Variants in CLSTN2 observed in about 807,000 individuals in gnomAD.
CLSTN2 encodes the protein calsyntenin-2.
Under a neutral mutation model 101.2 loss-of-function variants are expected in CLSTN2, and 48 were observed. That is an observed-to-expected ratio of 0.47 (90% CI 0.38 to 0.60). The LOEUF (loss-of-function observed/expected upper bound fraction) is 0.60. Ranked by LOEUF, CLSTN2 falls within the 20% of genes least tolerant of loss-of-function variation. CLSTN2 has a pLI of 0.00. For synonymous variants in CLSTN2, 481 were observed against 463.6 expected (o/e 1.04, Z -0.48); for missense variants, 1,160 against 1,238.2 (o/e 0.94, Z 0.95).
chr3:140,336,340 G>A (rs1364734692), intron 2 of CLSTN2, among the ~76,000 whole-genome samples: 1 of 152,202 alleles, frequency 6.6e-6, no homozygotes, highest in African/African-American at 2.4e-5. Context: ...GTAGAGACAG[G>A]ATTTAAACTC....
chr3:140,138,139 C>T (rs1216948596), intron 1 of CLSTN2, among the ~76,000 whole-genome samples: 1 of 152,138 alleles, frequency 6.6e-6, no homozygotes, highest in Non-Finnish European at 1.5e-5. Flanking sequence ...CATCTCTCCA[C>T]AAGACCAAAA....
intron 8 of CLSTN2, 59 bp downstream of exon 8, chr3:140,466,790 A>G (rs1413081667): frequency 1.2e-6 from 2 of 1,607,884 alleles, no homozygotes; most frequent in African/African-American, 2.7e-5. Context: ...GGCCAGTCCA[A>G]TCCAATGGTG....
At chr3:140,064,040 C>A (rs896252041) in intron 1 of CLSTN2, among the ~76,000 whole-genome samples, 1 of 152,174 alleles carries the variant, frequency 6.6e-6, no homozygotes, top group African/African-American at 2.4e-5. Context: ...GGAGCAGTAA[C>A]CATTGGCTAC....
At chr3:140,253,118 C>A (rs1267764382) in intron 2 of CLSTN2, among the ~76,000 whole-genome samples, 1 of 152,124 alleles carries the variant, frequency 6.6e-6, no homozygotes, top group Non-Finnish European at 1.5e-5. Context: ...GTACACCAGG[C>A]AAAAGACAGT....
chr3:140,020,373 T>G (rs532407127), intron 1 of CLSTN2, among the ~76,000 whole-genome samples: 16 of 152,296 alleles, frequency 1.1e-4, no homozygotes, highest in Admixed American at 5.2e-4. Flanking sequence ...TGCATGTGTG[T>G]GTACCCAGGT....
chr3:140,061,295 T>A (rs1213501880), intron 1 of CLSTN2, among the ~76,000 whole-genome samples: 1 of 152,222 alleles, frequency 6.6e-6, no homozygotes, highest in Non-Finnish European at 1.5e-5. Context: ...GGAGCATTAG[T>A]TGGTTTCTAA....
chr3:140,205,627 C>CCACACA (rs773442632), intron 2 of CLSTN2, among the ~76,000 whole-genome samples: 4 of 111,516 alleles, frequency 3.6e-5, no homozygotes. Context: ...CGCCCCCCAC[C>CCACACA]CACACACACA....
At chr3:140,363,338 G>A (rs369450666) in intron 2 of CLSTN2, among the ~76,000 whole-genome samples, 1 of 152,084 alleles carries the variant, frequency 6.6e-6, no homozygotes, top group East Asian at 1.9e-4. Flanking sequence ...AGGGGTGAGA[G>A]CCCCCAACTT....
chr3:139,938,463 G>A (rs943809436), intron 1 of CLSTN2, among the ~76,000 whole-genome samples: 1 of 152,182 alleles, frequency 6.6e-6, no homozygotes, highest in Non-Finnish European at 1.5e-5. Context: ...TTTCAGTGTA[G>A]ACATATTTCC....
intron 1 of CLSTN2, among the ~76,000 whole-genome samples, chr3:140,019,955 G>T (rs778940195): frequency 6.6e-6 from 1 of 152,156 alleles, no homozygotes; most frequent in African/African-American, 2.4e-5. Flanking sequence ...GTTCTGTGGG[G>T]CATGTCAAAT....
At chr3:140,143,971 T>A (rs1026657297) in intron 1 of CLSTN2, among the ~76,000 whole-genome samples, 1 of 152,216 alleles carries the variant, frequency 6.6e-6, no homozygotes, top group Non-Finnish European at 1.5e-5. Context: ...AGATGTCTTT[T>A]GGAGTTGAAT....
chr3:140,124,172 C>G (rs1289132262), intron 1 of CLSTN2, among the ~76,000 whole-genome samples: 1 of 152,220 alleles, frequency 6.6e-6, no homozygotes, highest in South Asian at 2.1e-4. Context: ...AAAGCACATG[C>G]AAAGACTCTG....
chr3:139,998,336 C>CTTTTTTGTTTTTTTTTTTT (rs2006730173), intron 1 of CLSTN2, among the ~76,000 whole-genome samples: 1 of 66,814 alleles, frequency 1.5e-5, no homozygotes, highest in African/African-American at 7.2e-5. Flanking sequence ...CCCCACATGC[C>CTTTTTTGTTTTTTTTTTTT]TTTTTTTTTT....
At chr3:140,199,437 C>T (rs961519577) in intron 2 of CLSTN2, among the ~76,000 whole-genome samples, 1 of 152,100 alleles carries the variant, frequency 6.6e-6, no homozygotes, top group African/African-American at 2.4e-5. Context: ...TAGACCTGGT[C>T]AGAATTGGTT....
intron 11 of CLSTN2, chr3:140,556,957 T>A (rs754274295): frequency 3.0e-6 from 1 of 336,898 alleles, no homozygotes; most frequent in Admixed American, 4.4e-5. Flanking sequence ...TGAAGTGATC[T>A]GGGTGTGCGT....
At chr3:140,270,377 GGA>G (rs2086730902) in intron 2 of CLSTN2, among the ~76,000 whole-genome samples, 3 of 152,190 alleles carry the variant, frequency 2.0e-5, no homozygotes, top group Non-Finnish European at 4.4e-5. Flanking sequence ...TGTGTCTGTG[GGA>G]GACAGGATGC....
chr3:140,164,886 G>A (rs1559795259), intron 1 of CLSTN2, among the ~76,000 whole-genome samples: 1 of 152,140 alleles, frequency 6.6e-6, no homozygotes, highest in East Asian at 1.9e-4. Flanking sequence ...AAGAAAATAG[G>A]TATGGTGAGT....
intron 1 of CLSTN2, among the ~76,000 whole-genome samples, chr3:140,118,197 A>G (rs2009278439): frequency 6.6e-6 from 1 of 152,132 alleles, no homozygotes; most frequent in African/African-American, 2.4e-5. Flanking sequence ...GAAGAAATCA[A>G]TCCTGATGAC....
At chr3:140,421,039 G>A in intron 4 of CLSTN2, 86 bp from the exon 5 acceptor site, 2 of 1,346,200 alleles carry the variant, frequency 1.5e-6, no homozygotes, top group Non-Finnish European at 2.1e-6. Context: ...TTCCTGTGAA[G>A]GTGGGTGGAG....
Sources: gnomAD v4.1 joint callset for allele counts (sites outside exome capture counted in the v4.1 genomes callset) on GRCh38, gnomAD v4.1.1 for gene constraint, MANE v1.5 for transcripts, NCBI Gene and HGNC (gene_info 2026-07-23, HGNC 2026-07-21) for gene names.